QSOX1: variants seen among roughly 807,000 people sequenced by gnomAD.
The protein encoded by QSOX1 is quiescin sulfhydryl oxidase 1, also known as sulfhydryl oxidase 1.
A neutral mutation model predicts 76.1 loss-of-function variants in QSOX1; 40 were observed. The observed-to-expected ratio is 0.53, with a 90% CI of 0.41 to 0.68. The LOEUF is 0.68. Among genes scored for constraint, QSOX1 ranks in the 30% least tolerant of loss-of-function variants. The pLI is 0.00. For synonymous variants in QSOX1, 392 were observed against 413.1 expected, an observed-to-expected ratio of 0.95 and a Z score of 0.62; for missense variants, 931 against 974.3, an observed-to-expected ratio of 0.96 and a Z score of 0.59.
At chr1:180,179,088 C>G (rs1461963661) in intron 5 of QSOX1, among the ~76,000 whole-genome samples, 1 of 152,240 alleles carries the variant, frequency 6.6e-6, no homozygotes, top group Non-Finnish European at 1.5e-5. Context: ...ATTCTTATCT[C>G]CTTCACGGAA....
intron 1 of QSOX1, among the ~76,000 whole-genome samples, chr1:180,155,531 G>A (rs989527369): frequency 6.6e-6 from 1 of 152,006 alleles, no homozygotes; most frequent in Non-Finnish European, 1.5e-5. Context: ...CCGTTTCCTG[G>A]GCCAGCCTTG....
At position 180,202,161 on chromosome 1, in the gene QSOX1, G is replaced by T. The variant is rs1169222439; in HGVS notation, c.*5124G>T. ...CAAAGTTAAGGGGCAGTCCATGGGG[G>T]CATTGACCTTACTTAGGTGAGGAGG... On this transcript the variant is annotated 3_prime_UTR_variant, in exon 12 of 12. Transcript: ENST00000367602. 2.0e-5 allele frequency: 3 copies of T among 152,342 alleles called. No homozygotes were observed. The highest frequency in any genetic ancestry group is 7.2e-5 in the African/African-American group (3 of 41,444). The allele number at this position is 152,342 out of a possible 1,614,324, so 9.4% of individuals were successfully genotyped here. A position where few individuals can be genotyped will look rare whatever the true frequency, so the allele number is the denominator to read the frequency against.
chr1:180,190,916 A>G (rs1018438821), intron 10 of QSOX1, among the ~76,000 whole-genome samples: 8 of 152,166 alleles, frequency 5.3e-5, no homozygotes, highest in East Asian at 1.9e-4. Context: ...TTGTGATTCT[A>G]TTTTTTTATA....
chr1:180,187,532 C>T (rs2319653), intron 8 of QSOX1, among the ~76,000 whole-genome samples: 86,496 of 152,194 alleles, frequency 0.57, 26,614 homozygotes, highest in Non-Finnish European at 0.69. Context: ...CCAGGAAGAT[C>T]GGCTTGTGTG....
intron 1 of QSOX1, 51 bp downstream of exon 1, chr1:180,155,223 C>G: frequency 7.1e-7 from 1 of 1,406,754 alleles, no homozygotes; most frequent in Non-Finnish European, 9.2e-7. Context: ...CCGGACCCCT[C>G]CACCTGCCCG....
Position 180,198,887 on chromosome 1 carries a change from A to C in QSOX1, c.*1850A>C, listed in dbSNP as rs913036757. Reference sequence around the variant, plus strand: ...TGTGCCCACTGCACCAAGGCCGCTGAATAAGCCTGCCCTTCACCCCCTAAG... The same window carrying C: ...TGTGCCCACTGCACCAAGGCCGCTGCATAAGCCTGCCCTTCACCCCCTAAG... On this transcript the variant is annotated 3_prime_UTR_variant, in exon 12 of 12. Transcript: ENST00000367602. 1.2e-5 allele frequency: 2 copies of C among 167,278 alleles called. No homozygotes were observed. The highest frequency in any genetic ancestry group is 2.6e-5 in the Non-Finnish European group (2 of 75,876). The allele number at this position is 167,278 out of a possible 1,614,324, so 10.4% of individuals were successfully genotyped here.
intron 1 of QSOX1, among the ~76,000 whole-genome samples, chr1:180,159,061 C>T (rs1158083016): frequency 6.6e-6 from 1 of 152,160 alleles, no homozygotes. Context: ...AGACCAAGCC[C>T]CCAGTGGGGG....
intron 9 of QSOX1, 136 bp downstream of exon 9, chr1:180,189,810 A>C: frequency 1.0e-6 from 1 of 955,856 alleles, no homozygotes; most frequent in Non-Finnish European, 1.5e-6. Flanking sequence ...CCTAACAATA[A>C]TCAATAAATG....
At position 180,203,830 on chromosome 1, in the gene QSOX1, T is replaced by C. The variant is rs1404307049; in HGVS notation, c.*6793T>C. ...TGTATATCCCACTTGCTGTTTTCTG[T>C]CCCTAAATTCTCTCTGAGTACACTG... On this transcript the variant is annotated 3_prime_UTR_variant, in exon 12 of 12. Coordinates refer to ENST00000367602, the MANE Select transcript of QSOX1 (RefSeq NM_002826.5). 4.6e-5 allele frequency: 7 copies of C among 152,242 alleles called. No homozygotes were observed. Among genetic ancestry groups the C allele is most frequent in the Non-Finnish European group, 8.8e-5 (6 of 68,042 alleles). The allele number at this position is 152,242 out of a possible 1,614,324, so 9.4% of individuals were successfully genotyped here. A position where few individuals can be genotyped will look rare whatever the true frequency, so the allele number is the denominator to read the frequency against.
intron 5 of QSOX1, among the ~76,000 whole-genome samples, chr1:180,179,188 A>G (rs1390919495): frequency 6.6e-6 from 1 of 152,258 alleles, no homozygotes. Flanking sequence ...AGGTGATCAA[A>G]TAGCATGCCC....
intron 4 of QSOX1, among the ~76,000 whole-genome samples, chr1:180,177,255 T>C (rs1163844153): frequency 6.8e-6 from 1 of 147,772 alleles, no homozygotes; most frequent in Non-Finnish European, 1.5e-5. Flanking sequence ...TGATCCTTTT[T>C]TTTTTTTTTT....
chr1:180,196,215 G>A lies in QSOX1; in HGVS notation c.1469-47G>A, dbSNP rs757998907. On this transcript the variant is annotated intron_variant, in intron 11 of 11. Coordinates refer to ENST00000367602, the MANE Select transcript of QSOX1 (RefSeq NM_002826.5). The surrounding 1 kb of genome is among the most constrained non-coding windows in gnomAD (Gnocchi z 4.1). The stretch of plus-strand genomic sequence containing the variant: ...GTGGAGGAGTGTGGTCTGGGTTTTT[G>A]GGTGGGACTGATGTCACCACCAGCC... 8.7e-5 allele frequency: 136 copies of A among 1,558,504 alleles called. 1 individual carries two copies. The South Asian group carries it at 1.6e-3, about 18-fold the overall frequency.
intron 1 of QSOX1, among the ~76,000 whole-genome samples, chr1:180,159,264 T>G (rs1347491788): frequency 6.6e-6 from 1 of 152,252 alleles, no homozygotes; most frequent in South Asian, 2.1e-4. Context: ...TCCCCAGTAG[T>G]AGAGCTAGAC....
rs770108782 is a variant in QSOX1, at chr1:180,184,031, G to A, written c.868G>A (p.Val290Ile). 6.2e-7 allele frequency: 1 copy of A among 1,614,180 alleles called. No homozygotes were observed. The highest frequency in any genetic ancestry group is 1.7e-5 in the Admixed American group (1 of 60,020). Residue 290 changes from valine to isoleucine, a missense_variant, in exon 7 of 12, where the codon GTT becomes ATT. Transcript: ENST00000367602. ...PTTANKIAPTVWKLADRSKIY... is the reference protein window; with the variant it reads ...PTTANKIAPTIWKLADRSKIY... ...CACTGCTAACAAGATAGCTCCCACT[G>A]TTTGGAAATTGGCAGATCGGTAAGG...
At chr1:180,189,295 C>T (rs1663248449) in intron 8 of QSOX1, among the ~76,000 whole-genome samples, 1 of 152,098 alleles carries the variant, frequency 6.6e-6, no homozygotes, top group South Asian at 2.1e-4. Context: ...AGGACCCCAC[C>T]CCATTTAGAG....
chr1:180,162,468 G>T (rs1301080351), intron 1 of QSOX1, among the ~76,000 whole-genome samples: 2 of 151,952 alleles, frequency 1.3e-5, no homozygotes, highest in Non-Finnish European at 2.9e-5. Context: ...GGGCATGGTG[G>T]CTCATGACGG....
Position 180,202,643 on chromosome 1 carries a change from A to T in QSOX1, c.*5606A>T, listed in dbSNP as rs1663657872. The T allele has an allele frequency of 1.3e-5, 2 of 150,802 alleles. No individual in the cohort carries two copies. Among genetic ancestry groups the T allele is most frequent in the Admixed American group, 1.3e-4 (2 of 14,930 alleles). 9.3% of individuals were successfully genotyped at this position (150,802 alleles called of 1,614,324 possible). A position where few individuals can be genotyped will look rare whatever the true frequency, so the allele number is the denominator to read the frequency against. The stretch of plus-strand genomic sequence containing the variant: ...AGATCTCACCTTCATACCATATACC[A>T]AAATACATCTCAGTAGATTAGTAAG... On this transcript the variant is annotated 3_prime_UTR_variant, in exon 12 of 12. Transcript: ENST00000367602.
intron 1 of QSOX1, 42 bp from the exon 2 acceptor site, chr1:180,166,449 A>T (rs772245000): frequency 1.3e-6 from 2 of 1,506,318 alleles, no homozygotes; most frequent in Non-Finnish European, 1.8e-6. Context: ...CAGAGGGGGT[A>T]CCAGCCCCTC....
chr1:180,168,455 C>T (rs1662684054), intron 2 of QSOX1, among the ~76,000 whole-genome samples: 1 of 152,234 alleles, frequency 6.6e-6, no homozygotes, highest in Non-Finnish European at 1.5e-5. Context: ...GCACCCAGTG[C>T]CCAGTCCATA....
Sources: gnomAD v4.1 joint callset for allele counts (sites outside exome capture counted in the v4.1 genomes callset) on GRCh38, gnomAD v4.1.1 for gene constraint, Gnocchi (gnomAD v3.1) non-coding constraint, MANE v1.5 for transcripts, NCBI Gene and HGNC (gene_info 2026-07-23, HGNC 2026-07-21) for gene names.